The following MTCH1 variants were observed in gnomAD, a reference collection of about 807,000 sequenced individuals.
MTCH1 encodes the protein mitochondrial carrier homolog 1.
In MTCH1, 23 loss-of-function variants were observed where a neutral mutation model predicts 49.3. That is an observed-to-expected ratio of 0.47 (90% CI 0.34 to 0.66). MTCH1 has a LOEUF of 0.66. Among genes scored for constraint, MTCH1 ranks in the 30% least tolerant of loss-of-function variants. The pLI is 0.01. For synonymous variants in MTCH1, 229 were observed against 215.2 expected, an observed-to-expected ratio of 1.06 and a Z score of -0.56; for missense variants, 397 against 532.1, an observed-to-expected ratio of 0.75 and a Z score of 2.50.
In MTCH1 at chr6:36,985,994, G is replaced by T. The variant is rs1455928043; in HGVS notation, c.180C>A (p.Pro60=). The part of the protein sequence containing the change: ...HPRHPRPAAQ[P]SARRMDGGSG... Reference sequence around the variant, plus strand: ...ACCCGCCATCCATCCTGCGGGCCGAGGGCTGAGCCGCAGGCCGAGGGTGGC... The same window carrying T: ...ACCCGCCATCCATCCTGCGGGCCGATGGCTGAGCCGCAGGCCGAGGGTGGC... Residue 60 remains proline, a synonymous_variant, in exon 1 of 12, where the codon CCC becomes CCA. Transcript: ENST00000373627. The T allele has an allele frequency of 6.5e-7, 1 of 1,540,554 alleles. No individual in the cohort carries two copies. Among genetic ancestry groups the T allele is most frequent in the South Asian group, 1.2e-5 (1 of 83,638 alleles).
At position 36,986,128 on chromosome 6, in the gene MTCH1, C is replaced by T; in HGVS notation, c.46G>A (p.Ala16Thr). ...PEVAPWARGGAAGMAGAGAGA... is the reference protein window; with the variant it reads ...PEVAPWARGGTAGMAGAGAGA... ...GCTCCGGCTCCCGCCATCCCCGCGG[C>T]ACCGCCGCGAGCCCAGGGCGCCACT... The change falls in exon 1 of 12, where the codon GCC becomes ACC. Residue 16 changes from alanine to threonine, a missense_variant. Physicochemically the swap from Ala to Thr is moderately conservative, Grantham distance 58. Transcript: ENST00000373627. The T allele has an allele frequency of 7.0e-7, 1 of 1,436,570 alleles. No homozygotes were observed. Among genetic ancestry groups the T allele is most frequent in the Non-Finnish European group, 9.1e-7 (1 of 1,104,204 alleles). 89.0% of individuals were successfully genotyped at this position (1,436,570 alleles called of 1,614,324 possible).
chr6:36,986,417 G>A (rs1437081192), upstream of MTCH1: 1 of 339,426 alleles, frequency 2.9e-6, no homozygotes, highest in Non-Finnish European at 5.3e-6. Context: ...TGTGGCGGCA[G>A]CCGCAGGCCG....
At position 36,977,220 on chromosome 6, in the gene MTCH1, A is replaced by C. The variant is rs1763911437; in HGVS notation, c.680T>G (p.Val227Gly). Residue 227 changes from valine (V) to glycine (G), a missense_variant, in exon 6 of 12, where the codon GTG (valine) becomes GGG (glycine). Transcript: ENST00000373627. This position sits in a 1 kb window ranked among gnomAD's most constrained non-coding sequence, Gnocchi z 5.4. ...CCACCTGTACTTGGCCTCCCGTCCC[A>C]CAAACTGGACCATGCAGCGCATTGA... ...VISMRCMVQF[V>G]GREAKYSGVL... is the part of the protein sequence containing the mutation. 6.2e-7 allele frequency: 1 copy of C among 1,614,138 alleles called. No individual in the cohort carries two copies.
At chr6:36,986,348 AC>A (rs1764321514), upstream of MTCH1, 1 of 502,838 alleles carries the variant, frequency 2.0e-6, no homozygotes. Flanking sequence ...CTAGCAGGAC[AC>A]TGGGCTGCGG....
In MTCH1 at chr6:36,970,683, G is replaced by C; in HGVS notation, c.918C>G (p.Ala306=). ...ACTTGGTATAGCTCCGGATGGCCAG[G>C]GCCTGGCTGAACTGAGGAGACAGAA... ...DQNPGSQFSQ[A]LAIRSYTKFV... Residue 306 remains alanine, a synonymous_variant, in exon 9 of 12, where the codon GCC becomes GCG. Transcript: ENST00000373627. 6.2e-7 allele frequency: 1 copy of C among 1,614,140 alleles called. No individual in the cohort carries two copies. The highest frequency in any genetic ancestry group is 1.6e-4 in the Middle Eastern group (1 of 6,062).
intron 7 of MTCH1, among the ~76,000 whole-genome samples, chr6:36,974,472 G>T (rs1763792146): frequency 6.6e-6 from 1 of 152,260 alleles, no homozygotes; most frequent in South Asian, 2.1e-4. Context: ...CCTGACAGCT[G>T]CAGAAACCAC....
In MTCH1 at chr6:36,982,640, C is replaced by T. The variant is rs986779837; in HGVS notation, c.322-968G>A. On this transcript the variant is annotated intron_variant, in intron 1 of 11. Coordinates refer to ENST00000373627, the MANE Select transcript of MTCH1 (RefSeq NM_001271641.2). This position sits in a 1 kb window ranked among gnomAD's most constrained non-coding sequence, Gnocchi z 4.1. ...CCGACCTCAGGTGATCCACCCGCCT[C>T]GGCCTCCCAAAGTGCTGGGATTACA... 2.0e-5 allele frequency among the ~76,000 whole-genome samples: 3 copies of T among 152,226 alleles called. No homozygotes were observed. The highest frequency in any genetic ancestry group is 4.4e-5 in the Non-Finnish European group (3 of 68,044).
rs759460025 is a variant in MTCH1 at position 36,968,800 on chromosome 6, C to CATCT, written c.*99_*102dup. 6 of 1,547,694 alleles carry CATCT rather than the reference C, an allele frequency of 3.9e-6. No individual in the cohort carries two copies. In the African/African-American group the frequency reaches 5.5e-5, roughly 14 times the overall value. ...ACTGAAGCCCGGCTGGGCTGGAGCA[C>CATCT]ATCTGGTTGTTGTTGGGTTGGAGTC... is the stretch of plus-strand genomic sequence containing the variant. On this transcript the variant is annotated 3_prime_UTR_variant, in exon 12 of 12. Coordinates refer to ENST00000373627, the MANE Select transcript of MTCH1 (RefSeq NM_001271641.2).
At chr6:36,981,284 G>A (rs926735023) in intron 2 of MTCH1, among the ~76,000 whole-genome samples, 6 of 152,196 alleles carry the variant, frequency 3.9e-5, no homozygotes, top group Non-Finnish European at 8.8e-5. Flanking sequence ...ACCCGGGGCA[G>A]CAGAAATAAT....
In MTCH1 at chr6:36,981,736, T is replaced by G. The variant is rs917477626; in HGVS notation, c.322-64A>C. The G allele has an allele frequency of 5.2e-6, 7 of 1,355,586 alleles. No homozygotes were observed. The Middle Eastern group carries it at 5.5e-4, about 107-fold the overall frequency. The allele number at this position is 1,355,586 out of a possible 1,614,324, so 84.0% of individuals were successfully genotyped here. Reference sequence around the variant, plus strand: ...CGTGGTGATTCAGCCTCACCACCTCTCCTCACACCTCTTGCCCCCTTTGCT... The same window carrying G: ...CGTGGTGATTCAGCCTCACCACCTCGCCTCACACCTCTTGCCCCCTTTGCT... On this transcript the variant is annotated intron_variant, in intron 1 of 11. Coordinates refer to ENST00000373627, the MANE Select transcript of MTCH1 (RefSeq NM_001271641.2).
rs888600042 is a variant in MTCH1, at chr6:36,969,509, G to A, written c.1098+530C>T. The A allele has an allele frequency of 3.7e-6, 4 of 1,085,488 alleles. No individual in the cohort carries two copies. The African/African-American group carries it at 6.7e-5, about 18-fold the overall frequency. The allele number at this position is 1,085,488 out of a possible 1,614,324, so 67.2% of individuals were successfully genotyped here. Reference sequence around the variant, plus strand: ...TGGGCCCAAGAGCTCCAGCTACGGAGAGGTAGCTTCGGTACAGAACACGAG... The same window carrying A: ...TGGGCCCAAGAGCTCCAGCTACGGAAAGGTAGCTTCGGTACAGAACACGAG... On this transcript the variant is annotated intron_variant, in intron 11 of 11. Transcript: ENST00000373627.
In MTCH1 at chr6:36,977,334, G is replaced by A. The variant is rs1458020699; in HGVS notation, c.650-84C>T. On this transcript the variant is annotated intron_variant, in intron 5 of 11. Coordinates refer to ENST00000373627, the MANE Select transcript of MTCH1 (RefSeq NM_001271641.2). The surrounding 1 kb of genome is among the most constrained non-coding windows in gnomAD (Gnocchi z 5.4). ...CCAGCCACCGGGTGCCAGGTGCAGA[G>A]TGGCCACTGAACAACGTGGCCTATT... 4.1e-6 allele frequency: 6 copies of A among 1,456,468 alleles called. No individual in the cohort carries two copies. The highest frequency in any genetic ancestry group is 9.6e-7 in the Non-Finnish European group (1 of 1,043,874). The allele number at this position is 1,456,468 out of a possible 1,614,324, so 90.2% of individuals were successfully genotyped here.
intron 10 of MTCH1, 27 bp from the exon 11 acceptor site, chr6:36,970,141 A>G: frequency 6.2e-7 from 1 of 1,609,952 alleles, no homozygotes; most frequent in African/African-American, 1.3e-5. Context: ...GTGTAGATGC[A>G]GAGAACAGTG....
chr6:36,975,060 C>T (rs1213513552), intron 7 of MTCH1, among the ~76,000 whole-genome samples: 5 of 152,172 alleles, frequency 3.3e-5, no homozygotes, highest in South Asian at 2.1e-4. Context: ...AGGGTGTCTG[C>T]GGCCCTCGGA....
Position 36,968,843 on chromosome 6 carries a change from A to G in MTCH1, c.*60T>C, listed in dbSNP as rs1487462180. The G allele has an allele frequency of 3.7e-6, 6 of 1,611,482 alleles. No individual in the cohort carries two copies. The highest frequency in any genetic ancestry group is 1.1e-5 in the South Asian group (1 of 90,930). On this transcript the variant is annotated 3_prime_UTR_variant, in exon 12 of 12. Transcript: ENST00000373627. ...TTGGAGTCGTCTTGCAGGTGTCCCA[A>G]GGTGGTCAGGCCTCACCCACGGTGG... is the stretch of plus-strand genomic sequence containing the variant.
chr6:36,978,425 CA>C (rs1460608599), intron 3 of MTCH1, 79 bp downstream of exon 3: 1 of 1,417,250 alleles, frequency 7.1e-7, no homozygotes, highest in African/African-American at 1.4e-5. Flanking sequence ...GAGGCAAGAC[CA>C]GGGTAACTGG....
At chr6:36,979,413 A>G (rs920748538) in intron 2 of MTCH1, among the ~76,000 whole-genome samples, 1 of 152,222 alleles carries the variant, frequency 6.6e-6, no homozygotes, top group African/African-American at 2.4e-5. Flanking sequence ...TGGTATTTTT[A>G]TAAACCTGTG....
intron 1 of MTCH1, among the ~76,000 whole-genome samples, chr6:36,983,584 A>G (rs567142458): frequency 6.6e-6 from 1 of 152,140 alleles, no homozygotes; most frequent in African/African-American, 2.4e-5. Flanking sequence ...ATTTGTTCCC[A>G]AGTCATTAAA....
At chr6:36,975,068 G>A (rs764293597) in intron 7 of MTCH1, among the ~76,000 whole-genome samples, 48 of 152,174 alleles carry the variant, frequency 3.2e-4, no homozygotes, top group East Asian at 7.7e-4. Flanking sequence ...TGCGGCCCTC[G>A]GAGACCATGT....
Sources: gnomAD v4.1 joint callset for allele counts (sites outside exome capture counted in the v4.1 genomes callset) on GRCh38, gnomAD v4.1.1 for gene constraint, Gnocchi (gnomAD v3.1) non-coding constraint, MANE v1.5 for transcripts, NCBI Gene and HGNC (gene_info 2026-07-23, HGNC 2026-07-21) for gene names.